LUZP2: variants seen among roughly 807,000 people sequenced by gnomAD.
LUZP2 encodes the protein leucine zipper protein 2.
In LUZP2, 52 loss-of-function variants were observed where a neutral mutation model predicts 51.6. The observed-to-expected ratio is 1.01, with a 90% CI of 0.81 to 1.27. The LOEUF (loss-of-function observed/expected upper bound fraction) is 1.27. LUZP2 is among the 50% of genes most tolerant of loss of function. The probability of loss-of-function intolerance (pLI) is 0.00; values close to 1 mark genes in which losing one functional copy is unlikely to be tolerated. For missense variants in LUZP2, 436 were observed against 395.4 expected, an observed-to-expected ratio of 1.10 and a Z score of -0.87; for synonymous variants, 154 against 137.3, an observed-to-expected ratio of 1.12 and a Z score of -0.85.
chr11:24,816,875 T>G (rs1202157871), intron 5 of LUZP2, among the ~76,000 whole-genome samples: 1 of 152,128 alleles, frequency 6.6e-6, no homozygotes, highest in Non-Finnish European at 1.5e-5. Flanking sequence ...TATTTGAGAC[T>G]TTTTTTAGTA....
chr11:24,926,063 A>G (rs1167984831), intron 7 of LUZP2, among the ~76,000 whole-genome samples: 2 of 151,832 alleles, frequency 1.3e-5, no homozygotes, highest in South Asian at 2.1e-4. Context: ...TGCAAATGCT[A>G]TTATTTTGTT....
chr11:24,850,263 T>G (rs1020965641), intron 5 of LUZP2, among the ~76,000 whole-genome samples: 2 of 152,136 alleles, frequency 1.3e-5, no homozygotes, highest in African/African-American at 4.8e-5. Context: ...TTAGGTCTTA[T>G]GTTTAAGTGT....
At chr11:24,784,692 T>G (rs535140082) in intron 5 of LUZP2, among the ~76,000 whole-genome samples, 1 of 151,974 alleles carries the variant, frequency 6.6e-6, no homozygotes, top group African/African-American at 2.4e-5. Context: ...AACAAGGCAA[T>G]AGTGAATTGG....
intron 5 of LUZP2, among the ~76,000 whole-genome samples, chr11:24,805,007 C>CTT (rs71044307): frequency 0.019 from 2,723 of 141,500 alleles, 70 homozygotes; most frequent in African/African-American, 0.061. Flanking sequence ...ACCCGGCTAA[C>CTT]TTTTTTTTTT....
chr11:24,740,625 G>T (rs1486044307), intron 4 of LUZP2, among the ~76,000 whole-genome samples: 2 of 152,108 alleles, frequency 1.3e-5, no homozygotes, highest in East Asian at 1.9e-4. Flanking sequence ...ACTTCTGCAA[G>T]TTTCCTCATT....
chr11:24,833,746 C>T (rs572837796), intron 5 of LUZP2, among the ~76,000 whole-genome samples: 2 of 148,204 alleles, frequency 1.3e-5, no homozygotes, highest in African/African-American at 5.0e-5. Flanking sequence ...TTCCATTGTG[C>T]AAACAAACAG....
intron 4 of LUZP2, among the ~76,000 whole-genome samples, chr11:24,761,426 T>C (rs1458885272): frequency 6.6e-6 from 1 of 152,142 alleles, no homozygotes; most frequent in Non-Finnish European, 1.5e-5. Context: ...GCTCCAGTGT[T>C]AAGGATTAAG....
chr11:24,828,929 A>G (rs1203954857), intron 5 of LUZP2, among the ~76,000 whole-genome samples: 1 of 152,142 alleles, frequency 6.6e-6, no homozygotes, highest in Admixed American at 6.6e-5. Flanking sequence ...TAGGAGAGGG[A>G]CCAGGGAGTA....
At chr11:24,798,214 T>G (rs35023916) in intron 5 of LUZP2, among the ~76,000 whole-genome samples, 1 of 151,300 alleles carries the variant, frequency 6.6e-6, no homozygotes, top group Non-Finnish European at 1.5e-5. Context: ...TTTTTTTTAT[T>G]ATTTATGTAT....
intron 1 of LUZP2, among the ~76,000 whole-genome samples, chr11:24,670,186 T>G (rs980470159): frequency 2.1e-4 from 32 of 152,044 alleles, no homozygotes; most frequent in African/African-American, 7.7e-4. Context: ...CACCAGAACT[T>G]GGAGTGAAAA....
chr11:24,553,398 A>T (rs1480377118), intron 1 of LUZP2, among the ~76,000 whole-genome samples: 2 of 152,238 alleles, frequency 1.3e-5, no homozygotes, highest in East Asian at 1.9e-4. Flanking sequence ...GTAAGGGCGT[A>T]AAGTATTTCT....
chr11:25,010,173 A>G (rs1173326496), intron 9 of LUZP2, among the ~76,000 whole-genome samples: 2 of 152,184 alleles, frequency 1.3e-5, no homozygotes, highest in African/African-American at 2.4e-5. Context: ...CTTAAATTCA[A>G]GCATATGCTG....
chr11:24,839,083 T>TGA, intron 5 of LUZP2, among the ~76,000 whole-genome samples: 1 of 151,686 alleles, frequency 6.6e-6, no homozygotes, highest in Non-Finnish European at 1.5e-5. Context: ...GAAATAAAGT[T>TGA]GTAGGTTGTA....
intron 5 of LUZP2, among the ~76,000 whole-genome samples, chr11:24,769,956 C>A (rs897015303): frequency 6.6e-6 from 1 of 151,972 alleles, no homozygotes; most frequent in African/African-American, 2.4e-5. Flanking sequence ...GCACCCCCGG[C>A]TAAATTTTTG....
intron 6 of LUZP2, among the ~76,000 whole-genome samples, chr11:24,907,092 C>T (rs1317814711): frequency 1.3e-5 from 2 of 152,066 alleles, no homozygotes; most frequent in African/African-American, 2.4e-5. Flanking sequence ...GAAGCACAAG[C>T]GTTGCTTCTC....
At chr11:25,066,963 C>A (rs1034376456) in intron 10 of LUZP2, among the ~76,000 whole-genome samples, 2 of 151,892 alleles carry the variant, frequency 1.3e-5, no homozygotes, top group African/African-American at 4.8e-5. Flanking sequence ...GACATTGAAC[C>A]TACATATGGC....
At chr11:24,559,997 A>G (rs1851983688) in intron 1 of LUZP2, among the ~76,000 whole-genome samples, 1 of 152,044 alleles carries the variant, frequency 6.6e-6, no homozygotes, top group Non-Finnish European at 1.5e-5. Flanking sequence ...TAGGGGAGGG[A>G]TAGCATTAAG....
chr11:24,610,085 C>T (rs1282477990), intron 1 of LUZP2, among the ~76,000 whole-genome samples: 2 of 152,218 alleles, frequency 1.3e-5, no homozygotes, highest in Non-Finnish European at 2.9e-5. Flanking sequence ...AATAAACTCA[C>T]TTGCCATTCC....
At chr11:25,031,229 C>T (rs1274863706) in intron 9 of LUZP2, among the ~76,000 whole-genome samples, 1 of 150,948 alleles carries the variant, frequency 6.6e-6, no homozygotes, top group Admixed American at 6.7e-5. Flanking sequence ...CCAGGCTGCT[C>T]TCGAACTCCT....
Sources: allele counts gnomAD v4.1 joint callset (sites outside exome capture counted in the v4.1 genomes callset), GRCh38; gene constraint gnomAD v4.1.1; transcripts MANE v1.5; gene names NCBI Gene and HGNC (gene_info 2026-07-23, HGNC 2026-07-21).